The following ANO1 variants were observed in gnomAD, a reference collection of about 807,000 sequenced individuals.
The protein encoded by ANO1 is anoctamin-1.
A neutral mutation model predicts 124.0 loss-of-function variants in ANO1; 59 were observed. The observed-to-expected ratio is 0.48, with a 90% CI of 0.39 to 0.59. The LOEUF (loss-of-function observed/expected upper bound fraction) is 0.59, where lower values mean the gene tolerates loss of function less well. ANO1 is among the 20% of genes least tolerant of loss of function. The probability of loss-of-function intolerance (pLI) is 0.00; values close to 1 mark genes in which losing one functional copy is unlikely to be tolerated. For missense variants in ANO1, 1,059 were observed against 1,328.0 expected, an observed-to-expected ratio of 0.80 and a Z score of 3.15; for synonymous variants, 529 against 532.0, an observed-to-expected ratio of 0.99 and a Z score of 0.08.
In ANO1 at chr11:70,149,761, G is replaced by T; in HGVS notation, c.1310G>T (p.Arg437Leu). Residue 437 changes from arginine (R) to leucine (L), a missense_variant, in exon 12 of 26, where the codon CGC becomes CTC. Transcript: ENST00000355303. ...CGGAAACAGATGCGACTCAACTACC[G>T]CTGGGACCTCACGGGCTTTGAAGAG... ...WKRKQMRLNY[R>L]WDLTGFEEEE... 1.2e-6 allele frequency: 2 copies of T among 1,613,696 alleles called. No homozygotes were observed. The highest frequency in any genetic ancestry group is 1.7e-6 in the Non-Finnish European group (2 of 1,179,816).
At chr11:70,152,506 C>T in intron 13 of ANO1, 45 bp downstream of exon 13, 1 of 1,601,036 alleles carries the variant, frequency 6.2e-7, no homozygotes, top group Non-Finnish European at 8.6e-7. Flanking sequence ...CAGCCTATCT[C>T]CCTGGGAGAG....
intron 22 of ANO1, among the ~76,000 whole-genome samples, chr11:70,172,119 T>TAAAAAAAAAAAAAAAAAAAAAA: frequency 8.3e-6 from 1 of 120,492 alleles, no homozygotes; most frequent in African/African-American, 3.1e-5. Flanking sequence ...GAACCTGTCT[T>TAAAAAAAAAAAAAAAAAAAAAA]AAAAAAAAAA....
chr11:69,996,245 C>G (rs782439641), intron 1 of ANO1, among the ~76,000 whole-genome samples: 5 of 152,354 alleles, frequency 3.3e-5, no homozygotes, highest in African/African-American at 1.2e-4. Context: ...ACATTGATCA[C>G]ACTGGGATCC....
At chr11:70,025,904 GA>G (rs1856894227) in intron 1 of ANO1, among the ~76,000 whole-genome samples, 1 of 150,950 alleles carries the variant, frequency 6.6e-6, no homozygotes, top group Non-Finnish European at 1.5e-5. Context: ...TGATGATGAT[GA>G]TGGTGGTGGT....
intron 11 of ANO1, among the ~76,000 whole-genome samples, chr11:70,147,371 C>T (rs919093752): frequency 7.2e-5 from 11 of 152,224 alleles, no homozygotes; most frequent in Non-Finnish European, 1.5e-4. Context: ...CGCAGACAGG[C>T]TGCTCCCACC....
chr11:70,145,980 C>T (rs2135597081), intron 11 of ANO1, among the ~76,000 whole-genome samples: 2 of 149,736 alleles, frequency 1.3e-5, no homozygotes, highest in Middle Eastern at 6.9e-3. Context: ...GAAAGAATAC[C>T]AAGGTTCAAT....
intron 16 of ANO1, among the ~76,000 whole-genome samples, chr11:70,159,522 T>C (rs2047960328): frequency 6.6e-6 from 1 of 152,246 alleles, no homozygotes; most frequent in African/African-American, 2.4e-5. Flanking sequence ...GACACAGCTT[T>C]GTCTTCAACT....
At chr11:70,148,657 G>T (rs1214204691) in intron 11 of ANO1, among the ~76,000 whole-genome samples, 1 of 152,152 alleles carries the variant, frequency 6.6e-6, no homozygotes, top group Non-Finnish European at 1.5e-5. Flanking sequence ...ATTTTCTTCT[G>T]CAGGGAGAAG....
intron 1 of ANO1, among the ~76,000 whole-genome samples, chr11:70,035,128 G>T (rs1225095734): frequency 6.6e-6 from 1 of 152,156 alleles, no homozygotes; most frequent in East Asian, 1.9e-4. Flanking sequence ...AATCCCCAGT[G>T]GGGCTGTGCA....
intron 1 of ANO1, among the ~76,000 whole-genome samples, chr11:70,007,954 C>T (rs1856524110): frequency 6.6e-6 from 1 of 152,148 alleles, no homozygotes; most frequent in Admixed American, 6.5e-5. Context: ...GCGGCCATCC[C>T]AGTGGGTGTG....
In ANO1 at chr11:70,095,303, A is replaced by AGAAAGAAGGAAGGAAGGAAGGAAG. The variant is rs1565193335; in HGVS notation, c.441+7226_441+7227insGGAAGGAAGGAAGGAAGGAAAGAA. 4.3e-3 allele frequency among the ~76,000 whole-genome samples: 157 copies of AGAAAGAAGGAAGGAAGGAAGGAAG among 36,740 alleles called. 19 individuals are homozygous for AGAAAGAAGGAAGGAAGGAAGGAAG. Among genetic ancestry groups the AGAAAGAAGGAAGGAAGGAAGGAAG allele is most frequent in the Non-Finnish European group, 7.1e-3 (126 of 17,804 alleles). 24.1% of individuals were successfully genotyped at this position (36,740 alleles called of 152,430 possible). A position where few individuals can be genotyped will look rare whatever the true frequency, so the allele number is the denominator to read the frequency against. On this transcript the variant is annotated intron_variant, in intron 2 of 25. Transcript: ENST00000355303. The stretch of plus-strand genomic sequence containing the variant: ...AGGAAGGAAGGAAGGAAGGAAGGAA[A>AGAAAGAAGGAAGGAAGGAAGGAAG]GAAAGAAAGAAAGAAAGGAAAGAAA...
At position 70,189,124 on chromosome 11, in the gene ANO1, G is replaced by A. The variant is rs2049263739; in HGVS notation, c.*1120G>A. 1 of 152,558 alleles carries A rather than the reference G, an allele frequency of 6.6e-6. No individual in the cohort carries two copies. The highest frequency in any genetic ancestry group is 6.6e-5 in the Admixed American group (1 of 15,262). 9.5% of individuals were successfully genotyped at this position (152,558 alleles called of 1,614,324 possible). A position where few individuals can be genotyped will look rare whatever the true frequency, so the allele number is the denominator to read the frequency against. On this transcript the variant is annotated 3_prime_UTR_variant, in exon 26 of 26. Transcript: ENST00000355303. The stretch of plus-strand genomic sequence containing the variant: ...GTGTATAAAACCAAGTCTCATAAAT[G>A]ATATGAGTGATCTAAATTTGCAGCA...
Position 70,021,961 on chromosome 11 carries a change from C to T in ANO1, c.58+35795C>T, listed in dbSNP as rs77697294. On this transcript the variant is annotated intron_variant, in intron 1 of 27. Coordinates refer to the ANO1 transcript ENST00000531349. ...CAGAATGTCCAAAAAAAGGAGCAGACGAAACCAAGCATAAGGTGTGCTGCT... is the reference window on the plus strand; with the variant it reads ...CAGAATGTCCAAAAAAAGGAGCAGATGAAACCAAGCATAAGGTGTGCTGCT... 3.0e-3 allele frequency among the ~76,000 whole-genome samples: 461 copies of T among 152,298 alleles called. 3 individuals carry two copies. In the East Asian group the frequency reaches 0.037, roughly 12 times the overall value.
At chr11:70,156,436 C>G (rs1346630088) in intron 15 of ANO1, among the ~76,000 whole-genome samples, 1 of 152,194 alleles carries the variant, frequency 6.6e-6, no homozygotes, top group Non-Finnish European at 1.5e-5. Flanking sequence ...CAAGCCAACC[C>G]TGGGTTCTGA....
chr11:70,157,121 C>G (rs1341801506), intron 16 of ANO1, 100 bp downstream of exon 16: 2 of 1,087,774 alleles, frequency 1.8e-6, no homozygotes, highest in African/African-American at 1.6e-5. Context: ...AATCCCAGCA[C>G]TTTGGGAGGC....
intron 1 of ANO1, among the ~76,000 whole-genome samples, chr11:70,022,732 A>G (rs1856830742): frequency 6.6e-6 from 1 of 152,124 alleles, no homozygotes; most frequent in Non-Finnish European, 1.5e-5. Context: ...CACGACCCCC[A>G]AAGATGTCTG....
At chr11:69,976,214 T>C in the ANO1 span, among the ~76,000 whole-genome samples, 2 of 152,072 alleles carry the variant, frequency 1.3e-5, no homozygotes, top group South Asian at 2.1e-4. Flanking sequence ...TGGGTTCTAA[T>C]TCAGTCTGAC....
In ANO1 at chr11:70,091,101, G is replaced by A. The variant is rs79584594; in HGVS notation, c.441+3017G>A. Among the ~76,000 whole-genome samples the A allele has an allele frequency of 5.0e-3, 755 of 152,318 alleles. 8 individuals are homozygous for A. The highest frequency in any genetic ancestry group is 0.017 in the African/African-American group (688 of 41,570). ...AAAAGGCTGCTTGGGCACACGCAGC[G>A]TCTGAAGTGTGTGTGGGCCCCTGCC... On this transcript the variant is annotated intron_variant, in intron 2 of 25. Transcript: ENST00000355303.
chr11:70,106,302 T>C (rs993469110), intron 5 of ANO1, among the ~76,000 whole-genome samples: 6 of 152,238 alleles, frequency 3.9e-5, no homozygotes, highest in Non-Finnish European at 8.8e-5. Flanking sequence ...GCTTCATGTT[T>C]ATCCAACCTG....
Sources: gnomAD v4.1 joint callset for allele counts (sites outside exome capture counted in the v4.1 genomes callset) on GRCh38, gnomAD v4.1.1 for gene constraint, MANE v1.5 for transcripts, NCBI Gene and HGNC (gene_info 2026-07-23, HGNC 2026-07-21) for gene names.